Variants in LYRM4 observed in about 807,000 individuals in gnomAD.
The protein encoded by LYRM4 is LYR motif-containing protein 4.
In LYRM4, 9 loss-of-function variants were observed where a neutral mutation model predicts 11.7. That is an observed-to-expected ratio of 0.77 (90% CI 0.46 to 1.34). The LOEUF (loss-of-function observed/expected upper bound fraction) is 1.34, where lower values mean the gene tolerates loss of function less well. LYRM4 is among the 40% of genes most tolerant of loss of function. The pLI is 0.00. For synonymous variants in LYRM4, 42 were observed against 40.4 expected, an observed-to-expected ratio of 1.04 and a Z score of -0.15; for missense variants, 133 against 112.5, an observed-to-expected ratio of 1.18 and a Z score of -0.82.
At chr6:5,209,957 G>A (rs1466094985) in intron 2 of LYRM4, among the ~76,000 whole-genome samples, 1 of 152,202 alleles carries the variant, frequency 6.6e-6, no homozygotes, top group Non-Finnish European at 1.5e-5. Flanking sequence ...TGTCTGATCA[G>A]AGATATATTC....
chr6:5,069,001 A>T, the LYRM4 span, among the ~76,000 whole-genome samples: 1 of 151,988 alleles, frequency 6.6e-6, no homozygotes, highest in Admixed American at 6.6e-5. Context: ...CTTCTTAGAG[A>T]CTCAACCTAG....
the LYRM4 span, among the ~76,000 whole-genome samples, chr6:5,077,652 C>T: frequency 6.6e-6 from 1 of 152,130 alleles, no homozygotes; most frequent in Non-Finnish European, 1.5e-5. Flanking sequence ...AGAATAAAAA[C>T]TTGACACTAA....
chr6:5,123,003 G>A (rs1274361346), intron 2 of LYRM4, among the ~76,000 whole-genome samples: 1 of 152,218 alleles, frequency 6.6e-6, no homozygotes, highest in African/African-American at 2.4e-5. Flanking sequence ...GGGCTTGGGA[G>A]CCTTCCAGGA....
At chr6:5,136,748 G>A in intron 2 of LYRM4, 1 of 985,456 alleles carries the variant, frequency 1.0e-6, no homozygotes, top group African/African-American at 1.7e-5. Context: ...GCGCCTGTAG[G>A]AAGACTGGGT....
chr6:5,085,396 A>C, the LYRM4 span: 1 of 941,498 alleles, frequency 1.1e-6, no homozygotes, highest in Non-Finnish European at 1.6e-6. Flanking sequence ...CCTGAACTGC[A>C]GCCCTGCGCT....
chr6:5,260,137 C>T (rs1316157521), intron 1 of LYRM4, among the ~76,000 whole-genome samples: 1 of 152,116 alleles, frequency 6.6e-6, no homozygotes, highest in Non-Finnish European at 1.5e-5. Flanking sequence ...TTCCACCATA[C>T]CCTAAATAGA....
At chr6:5,234,407 A>C (rs987958014) in intron 1 of LYRM4, among the ~76,000 whole-genome samples, 1 of 152,218 alleles carries the variant, frequency 6.6e-6, no homozygotes, top group Non-Finnish European at 1.5e-5. Context: ...ATAAGGATTC[A>C]AATCAAAACA....
chr6:5,087,380 C>G, the LYRM4 span: 1 of 152,260 alleles, frequency 6.6e-6, no homozygotes, highest in African/African-American at 2.4e-5. Context: ...CGAAAGGGCC[C>G]AAACTTCCCA....
chr6:5,154,627 G>T (rs1019460029), intron 2 of LYRM4, among the ~76,000 whole-genome samples: 7 of 152,086 alleles, frequency 4.6e-5, no homozygotes, highest in East Asian at 1.9e-4. Context: ...CCATCCTGAC[G>T]AACACTGTGA....
chr6:5,095,754 T>G, the LYRM4 span, among the ~76,000 whole-genome samples: 5 of 151,902 alleles, frequency 3.3e-5, no homozygotes, highest in Non-Finnish European at 4.4e-5. Flanking sequence ...GAGAGGCAGG[T>G]GGGTCATTTG....
chr6:5,179,065 C>CAAAAAAAAAAAAAAAAAAAAAAAAAAA (rs58749743), intron 2 of LYRM4, among the ~76,000 whole-genome samples: 2 of 103,896 alleles, frequency 1.9e-5, no homozygotes, highest in Non-Finnish European at 3.9e-5. Context: ...ACCAAAAAAA[C>CAAAAAAAAAAAAAAAAAAAAAAAAAAA]AAAAAAAAAA....
the LYRM4 span, among the ~76,000 whole-genome samples, chr6:5,058,736 C>A: frequency 6.6e-6 from 1 of 152,086 alleles, no homozygotes; most frequent in Non-Finnish European, 1.5e-5. Context: ...ATGCTTGATT[C>A]GGTTTTACAG....
At chr6:5,214,179 T>G (rs1001132957) in intron 2 of LYRM4, among the ~76,000 whole-genome samples, 24 of 152,174 alleles carry the variant, frequency 1.6e-4, no homozygotes, top group African/African-American at 1.9e-4. Flanking sequence ...TAGGTACTGA[T>G]AAGTGCTGTC....
the LYRM4 span, among the ~76,000 whole-genome samples, chr6:5,047,232 C>T: frequency 3.3e-3 from 503 of 152,286 alleles, 2 homozygotes; most frequent in African/African-American, 0.012. Flanking sequence ...TTAGATAAGA[C>T]GATCAACATA....
chr6:5,137,610 T>C (rs1261989162), intron 2 of LYRM4, among the ~76,000 whole-genome samples: 1 of 152,238 alleles, frequency 6.6e-6, no homozygotes, highest in Admixed American at 6.5e-5. Context: ...AAATAATGAC[T>C]CTGCTACCCG....
At chr6:5,046,306 C>G in the LYRM4 span, among the ~76,000 whole-genome samples, 24 of 152,182 alleles carry the variant, frequency 1.6e-4, 1 homozygote, top group African/African-American at 5.8e-4. Context: ...GCCACCACAC[C>G]CGGCTAATTT....
the LYRM4 span, among the ~76,000 whole-genome samples, chr6:5,055,993 C>G: frequency 6.6e-6 from 1 of 151,098 alleles, no homozygotes; most frequent in African/African-American, 2.5e-5. The surrounding 1 kb of genome is among the most constrained non-coding windows in gnomAD (Gnocchi z 4.5). Context: ...TTTCTTTCAT[C>G]TCTCTTTCTC....
At chr6:5,096,519 C>G in the LYRM4 span, among the ~76,000 whole-genome samples, 1 of 152,114 alleles carries the variant, frequency 6.6e-6, no homozygotes, top group African/African-American at 2.4e-5. Context: ...AACCCTACCA[C>G]TGAGAAGTGT....
chr6:5,101,947 A>C (rs1427652080), downstream of LYRM4, among the ~76,000 whole-genome samples: 4 of 80,490 alleles, frequency 5.0e-5, no homozygotes, highest in African/African-American at 1.4e-4. Flanking sequence ...ACACGAAAAC[A>C]CTACATCCAA....
Sources: allele counts gnomAD v4.1 joint callset (sites outside exome capture counted in the v4.1 genomes callset), GRCh38; gene constraint gnomAD v4.1.1; non-coding constraint Gnocchi (gnomAD v3.1); transcripts MANE v1.5; gene names NCBI Gene and HGNC (gene_info 2026-07-23, HGNC 2026-07-21).